Variants in RYR3 observed in about 807,000 individuals in gnomAD.
RYR3 encodes ryanodine receptor 3.
Under a neutral mutation model 584.3 loss-of-function variants are expected in RYR3, and 207 were observed. The observed-to-expected ratio is 0.35, with a 90% CI of 0.32 to 0.40. RYR3 has a LOEUF of 0.40. Ranked by LOEUF, RYR3 falls within the 10% of genes least tolerant of loss-of-function variation. The pLI is 1.00. For synonymous variants in RYR3, 2,416 were observed against 2,248.5 expected (o/e 1.07, Z -2.11); for missense variants, 5,616 against 6,089.2 (o/e 0.92, Z 2.59).
At chr15:33,653,060 A>C (rs529871533) in intron 32 of RYR3, among the ~76,000 whole-genome samples, 177 bp downstream of exon 32, 1 of 152,238 alleles carries the variant, frequency 6.6e-6, no homozygotes, top group Non-Finnish European at 1.5e-5. Flanking sequence ...CATTGTATGC[A>C]GAGAAAAAAA....
intron 36 of RYR3, among the ~76,000 whole-genome samples, chr15:33,664,591 A>ATGTG (rs1406796211): frequency 1.6e-4 from 9 of 57,338 alleles, no homozygotes; most frequent in African/African-American, 5.3e-4. Context: ...GTGTGTGTGT[A>ATGTG]TATATATATA....
At chr15:33,709,208 A>G (rs2066924122) in intron 43 of RYR3, among the ~76,000 whole-genome samples, 1 of 152,116 alleles carries the variant, frequency 6.6e-6, no homozygotes, top group Non-Finnish European at 1.5e-5. Context: ...TTTTAAGGGG[A>G]GCAGACATGG....
At chr15:33,468,079 T>C (rs1567304492) in intron 1 of RYR3, among the ~76,000 whole-genome samples, 1 of 152,188 alleles carries the variant, frequency 6.6e-6, no homozygotes, top group African/African-American at 2.4e-5. Context: ...GACTCCTGAT[T>C]CAGACAGTCC....
At position 33,757,551 on chromosome 15, in the gene RYR3, G is replaced by C; in HGVS notation, c.8660G>C (p.Ser2887Thr). 2 of 1,611,622 alleles carry C rather than the reference G, an allele frequency of 1.2e-6. No homozygotes were observed. The highest frequency in any genetic ancestry group is 1.7e-6 in the Non-Finnish European group (2 of 1,179,164). The stretch of plus-strand genomic sequence containing the variant: ...TTGTCATCCCCTCTGAAGCCCCTTA[G>C]CAGCAGCGGATATGCCTCCCATAAG... ...YFLSSPLKPL[S>T]SSGYASHKEK... Residue 2887 changes from serine to threonine, a missense_variant, in exon 60 of 104, where the codon AGC (serine) becomes ACC (threonine). This residue lies in a region of RYR3 where 1,280 missense variants were observed against 1,426.2 expected (regional missense o/e 0.90). Transcript: ENST00000634891.
intron 32 of RYR3, among the ~76,000 whole-genome samples, chr15:33,658,206 C>A (rs1018925864): frequency 3.9e-5 from 6 of 152,192 alleles, no homozygotes; most frequent in Non-Finnish European, 8.8e-5. Flanking sequence ...TTCTAGAGCT[C>A]AGTATCTTCT....
chr15:33,826,711 T>G lies in RYR3; in HGVS notation c.11204T>G (p.Leu3735Arg). ...CAGAATGACGAGTTCACGCGTGATC[T>G]CTTTAGATTCCTACAGTTACTTTGT... is the stretch of plus-strand genomic sequence containing the variant. ...VLQNDEFTRDLFRFLQLLCEG... is the reference protein window; with the variant it reads ...VLQNDEFTRDRFRFLQLLCEG... The change falls in exon 84 of 104, where the codon CTC (leucine) becomes CGC (arginine). Residue 3735 changes from leucine to arginine, a missense_variant. Physicochemically the swap from Leu to Arg is moderately radical, Grantham distance 102. This residue lies in a region of RYR3 where 954 missense variants were observed against 1,132.2 expected (regional missense o/e 0.84). Coordinates refer to ENST00000634891, the MANE Select transcript of RYR3 (RefSeq NM_001036.6). 1.2e-6 allele frequency: 2 copies of G among 1,613,882 alleles called. No homozygotes were observed. The highest frequency in any genetic ancestry group is 1.7e-6 in the Non-Finnish European group (2 of 1,179,826).
chr15:33,402,813 G>C (rs1035476541), intron 1 of RYR3, among the ~76,000 whole-genome samples: 1 of 152,182 alleles, frequency 6.6e-6, no homozygotes, highest in Admixed American at 6.5e-5. Context: ...AGCAGGACTT[G>C]GTGCTATTTG....
At chr15:33,525,457 T>TAATTAA (rs1178663740) in intron 3 of RYR3, among the ~76,000 whole-genome samples, 1 of 152,252 alleles carries the variant, frequency 6.6e-6, no homozygotes, top group African/African-American at 2.4e-5. Context: ...ACTAGAATTG[T>TAATTAA]AATTAAAACT....
rs1267693351 is a variant in RYR3, at chr15:33,748,181, T to A, written c.8057T>A (p.Val2686Glu). Residue 2686 changes from valine to glutamate, a missense_variant, in exon 54 of 104, where the codon GTG becomes GAG. Transcript: ENST00000634891. ...ACCATGCTGGCTGTGGGCTGGACTG[T>A]GGAGAGGACCAAAGAGGGAGAAGCT... Reference protein sequence around the residue: ...LKTMLAVGWTVERTKEGEALV... With the variant: ...LKTMLAVGWTEERTKEGEALV... The A allele has an allele frequency of 1.2e-6, 2 of 1,613,684 alleles. No individual in the cohort carries two copies.
intron 2 of RYR3, among the ~76,000 whole-genome samples, chr15:33,491,785 C>A (rs1016536321): frequency 6.6e-6 from 1 of 152,116 alleles, no homozygotes; most frequent in Admixed American, 6.6e-5. Flanking sequence ...ATTTCCTGGC[C>A]AGTCCCCCCA....
chr15:33,445,240 G>GT (rs2046535857), intron 1 of RYR3, among the ~76,000 whole-genome samples: 2 of 152,120 alleles, frequency 1.3e-5, no homozygotes, highest in African/African-American at 4.8e-5. Context: ...ATGCGAAGGG[G>GT]GCACATGGGA....
chr15:33,815,165 G>T (rs1375053887), intron 74 of RYR3, among the ~76,000 whole-genome samples: 1 of 152,048 alleles, frequency 6.6e-6, no homozygotes, highest in African/African-American at 2.4e-5. Context: ...AGAGAATGAG[G>T]CACCACCAAA....
At chr15:33,603,592 C>G (rs1460384579) in intron 18 of RYR3, among the ~76,000 whole-genome samples, 2 of 152,176 alleles carry the variant, frequency 1.3e-5, no homozygotes, top group Non-Finnish European at 2.9e-5. Context: ...CTCTCAAGCT[C>G]ATTGTATCTG....
At chr15:33,352,252 T>C (rs1973379676) in intron 1 of RYR3, among the ~76,000 whole-genome samples, 2 of 152,194 alleles carry the variant, frequency 1.3e-5, no homozygotes, top group African/African-American at 4.8e-5. Flanking sequence ...ATCAGATATG[T>C]GTTTTGCAAA....
At chr15:33,654,612 G>T (rs2062713354) in intron 32 of RYR3, among the ~76,000 whole-genome samples, 2 of 152,230 alleles carry the variant, frequency 1.3e-5, no homozygotes, top group Middle Eastern at 3.4e-3. Flanking sequence ...AGTGTGTTTG[G>T]GGATCTGTGG....
At chr15:33,702,916 T>G (rs899858733) in intron 42 of RYR3, among the ~76,000 whole-genome samples, 3 of 152,058 alleles carry the variant, frequency 2.0e-5, no homozygotes, top group African/African-American at 7.2e-5. Flanking sequence ...TTTTTCTTCG[T>G]GTCGCATAGT....
intron 38 of RYR3, among the ~76,000 whole-genome samples, chr15:33,696,009 G>C (rs556629799): frequency 5.9e-4 from 84 of 141,600 alleles, no homozygotes; most frequent in Non-Finnish European, 1.0e-3. Context: ...GGCCCAGGCT[G>C]GTCTCAAACT....
chr15:33,739,666 C>A lies in RYR3; in HGVS notation c.7657-166C>A, dbSNP rs574005693. ...AGTGTTATTTCATTTTCCAAGGATACCTGCATTTCCACCAGAAAATATTTA... is the reference window on the plus strand; with the variant it reads ...AGTGTTATTTCATTTTCCAAGGATAACTGCATTTCCACCAGAAAATATTTA... On this transcript the variant is annotated intron_variant, in intron 50 of 103. Transcript: ENST00000634891. 6.5e-5 allele frequency among the ~76,000 whole-genome samples: 7 copies of A among 107,388 alleles called. No homozygotes were observed. The South Asian group carries it at 1.4e-3, about 21-fold the overall frequency. 70.5% of individuals were successfully genotyped at this position (107,388 alleles called of 152,430 possible).
chr15:33,612,787 C>A (rs932277021), intron 18 of RYR3, among the ~76,000 whole-genome samples: 1 of 152,212 alleles, frequency 6.6e-6, no homozygotes, highest in Non-Finnish European at 1.5e-5. Context: ...GCACTTACAA[C>A]TAAACAGACA....
Sources: allele counts gnomAD v4.1 joint callset (sites outside exome capture counted in the v4.1 genomes callset), GRCh38; gene constraint gnomAD v4.1.1; regional missense constraint gnomAD v4.1.1; transcripts MANE v1.5; gene names NCBI Gene and HGNC (gene_info 2026-07-23, HGNC 2026-07-21).